The following PIP5K1A variants were observed in gnomAD, a reference collection of about 807,000 sequenced individuals.
PIP5K1A encodes the protein phosphatidylinositol 4-phosphate 5-kinase type-1 alpha.
In PIP5K1A, 46 loss-of-function variants were observed where a neutral mutation model predicts 72.9. That is an observed-to-expected ratio of 0.63 (90% confidence interval 0.50 to 0.81). The LOEUF is 0.81. Among genes scored for constraint, PIP5K1A ranks in the 30% least tolerant of loss-of-function variants. The pLI is 0.00. For synonymous variants in PIP5K1A, 228 were observed against 255.1 expected, an observed-to-expected ratio of 0.89 and a Z score of 1.01; for missense variants, 458 against 706.1, an observed-to-expected ratio of 0.65 and a Z score of 3.98.
Position 151,242,185 on chromosome 1 carries a change from A to G in PIP5K1A, c.1426A>G (p.Ser476Gly), listed in dbSNP as rs1212235500. 3 of 1,614,054 alleles carry G rather than the reference A, an allele frequency of 1.9e-6. No homozygotes were observed. Among genetic ancestry groups the G allele is most frequent in the Admixed American group, 1.7e-5 (1 of 60,012 alleles). ...GSSFSRRAGS[S>G]GNSCITYQPS... ...ATCTTTCTCTCGGCGAGCAGGCTCCAGTGGCAACTCCTGCATTACTTACCA... is the reference window on the plus strand; with the variant it reads ...ATCTTTCTCTCGGCGAGCAGGCTCCGGTGGCAACTCCTGCATTACTTACCA... Residue 476 changes from serine to glycine, a missense_variant, in exon 13 of 16, where the codon AGT (serine) becomes GGT (glycine). By Grantham distance (56) the Ser-to-Gly change is moderately conservative. Around this residue, in one of 3 missense-constraint regions of PIP5K1A, gnomAD observed 157 missense variants for 175.5 expected, o/e 0.89. Coordinates refer to ENST00000368888, the MANE Select transcript of PIP5K1A (RefSeq NM_001135638.2).
intron 1 of PIP5K1A, among the ~76,000 whole-genome samples, chr1:151,216,807 A>G (rs888612241): frequency 6.6e-6 from 1 of 151,992 alleles, no homozygotes; most frequent in African/African-American, 2.4e-5. Flanking sequence ...CTTAGGAAGT[A>G]CATGTTGTTA....
intron 14 of PIP5K1A, among the ~76,000 whole-genome samples, chr1:151,245,570 CTG>C (rs1358879922): frequency 3.9e-5 from 6 of 152,170 alleles, no homozygotes; most frequent in Non-Finnish European, 7.4e-5. Context: ...GGGTCTCCCT[CTG>C]TCACCCAGGC....
chr1:151,236,989 A>G (rs1690985491), intron 9 of PIP5K1A, among the ~76,000 whole-genome samples: 1 of 151,856 alleles, frequency 6.6e-6, no homozygotes, highest in African/African-American at 2.4e-5. Context: ...CACCACACCC[A>G]GCTAATTTTT....
At chr1:151,197,297 T>C (rs1289495572), upstream of PIP5K1A, among the ~76,000 whole-genome samples, 1 of 151,880 alleles carries the variant, frequency 6.6e-6, no homozygotes, top group Non-Finnish European at 1.5e-5. Flanking sequence ...TTGTTTTGTT[T>C]TGAGACAGTT....
rs1409759806 is a variant in PIP5K1A, at chr1:151,198,988, G to T, written c.-9G>T. 2 of 1,613,342 alleles carry T rather than the reference G, an allele frequency of 1.2e-6. No homozygotes were observed. Among genetic ancestry groups the T allele is most frequent in the Non-Finnish European group, 1.7e-6 (2 of 1,179,404 alleles). ...GAGCCAGGCCGCTGAGGGGGAGGGG[G>T]CTGCTAAGATGGCGTCGGCCTCCTC... On this transcript the variant is annotated 5_prime_UTR_variant, in exon 1 of 16. Transcript: ENST00000368888.
chr1:151,219,505 G>T (rs2102328824), intron 1 of PIP5K1A, among the ~76,000 whole-genome samples: 1 of 151,268 alleles, frequency 6.6e-6, no homozygotes, highest in African/African-American at 2.4e-5. Context: ...TGACCAACAT[G>T]GTGAAACCCC....
intron 1 of PIP5K1A, among the ~76,000 whole-genome samples, chr1:151,217,936 G>A (rs1455815456): frequency 2.0e-5 from 3 of 152,026 alleles, no homozygotes; most frequent in Non-Finnish European, 4.4e-5. Context: ...ATGCCACCAT[G>A]TCCGGCTAAT....
intron 1 of PIP5K1A, chr1:151,213,603 A>G (rs1687164348): frequency 6.6e-6 from 1 of 152,182 alleles, no homozygotes; most frequent in Non-Finnish European, 1.5e-5. Context: ...GAAAGAGGGT[A>G]TGAGAACGTA....
chr1:151,204,242 T>C (rs901435511), intron 1 of PIP5K1A, among the ~76,000 whole-genome samples: 4 of 152,166 alleles, frequency 2.6e-5, no homozygotes, highest in African/African-American at 9.7e-5. Context: ...AATGGCGCGA[T>C]CTCGGCTCAC....
chr1:151,234,349 C>T lies in PIP5K1A; in HGVS notation c.792C>T (p.Thr264=), dbSNP rs1424957443. 10 of 1,613,998 alleles carry T rather than the reference C, an allele frequency of 6.2e-6. No individual in the cohort carries two copies. The highest frequency in any genetic ancestry group is 8.5e-6 in the Non-Finnish European group (10 of 1,179,990). ...TCAAATATGACCTCAAAGGCTCAAC[C>T]TACAAACGGCGGGCTTCCCAGAAAG... is the stretch of plus-strand genomic sequence containing the variant. ...MHIKYDLKGS[T]YKRRASQKER... The change falls in exon 8 of 16, where the codon ACC becomes ACT. Residue 264 remains threonine (T), a synonymous_variant. Transcript: ENST00000368888.
At chr1:151,220,006 A>G (rs1436963426) in intron 1 of PIP5K1A, among the ~76,000 whole-genome samples, 1 of 150,758 alleles carries the variant, frequency 6.6e-6, no homozygotes, top group East Asian at 2.0e-4. Flanking sequence ...CTCTGTTTCT[A>G]TTTATTTATT....
chr1:151,218,984 A>G (rs587679585), intron 1 of PIP5K1A, among the ~76,000 whole-genome samples: 1 of 152,244 alleles, frequency 6.6e-6, no homozygotes, highest in East Asian at 1.9e-4. Context: ...TGTTCTTATA[A>G]TAAAAGGGAT....
At chr1:151,204,173 GAT>G (rs928559769) in intron 1 of PIP5K1A, among the ~76,000 whole-genome samples, 1 of 151,404 alleles carries the variant, frequency 6.6e-6, no homozygotes, top group Admixed American at 6.6e-5. Flanking sequence ...GATTATTGTT[GAT>G]ATATATATAT....
At chr1:151,229,656 C>T (rs587647069) in intron 4 of PIP5K1A, among the ~76,000 whole-genome samples, 36 of 151,062 alleles carry the variant, frequency 2.4e-4, no homozygotes, top group East Asian at 1.6e-3. Flanking sequence ...CCACAGCACC[C>T]GGCCATTTAG....
rs587681285 is a variant in PIP5K1A, at chr1:151,213,016, G to A, written c.86-11229G>A. Among the ~76,000 whole-genome samples the A allele has an allele frequency of 7.2e-3, 1,088 of 150,814 alleles. 14 individuals are homozygous for A. The highest frequency in any genetic ancestry group is 0.025 in the African/African-American group (1,017 of 41,002). On this transcript the variant is annotated intron_variant, in intron 1 of 15. Coordinates refer to ENST00000368888, the MANE Select transcript of PIP5K1A (RefSeq NM_001135638.2). Reference sequence around the variant, plus strand: ...TGCCATTCTCCTGCCTCAGCCTCTGGAGTAGCTGGAACTACAGGCGCCCGC... The same window carrying A: ...TGCCATTCTCCTGCCTCAGCCTCTGAAGTAGCTGGAACTACAGGCGCCCGC...
chr1:151,216,778 G>T (rs587611713), intron 1 of PIP5K1A, among the ~76,000 whole-genome samples: 1 of 151,742 alleles, frequency 6.6e-6, no homozygotes. Context: ...TACGTAACTT[G>T]TTGAATTCTC....
intron 14 of PIP5K1A, among the ~76,000 whole-genome samples, chr1:151,242,769 C>T (rs1277521280): frequency 1.3e-5 from 2 of 151,950 alleles, no homozygotes; most frequent in Non-Finnish European, 2.9e-5. Context: ...CATGAGGTGG[C>T]ATTTAAGCTG....
chr1:151,224,181 A>G, intron 1 of PIP5K1A, 64 bp from the exon 2 acceptor site: 2 of 1,401,588 alleles, frequency 1.4e-6, no homozygotes, highest in Admixed American at 3.4e-5. Flanking sequence ...TGATGGTTTC[A>G]GTATGCTTGA....
At chr1:151,197,686 C>T (rs1390147082), upstream of PIP5K1A, among the ~76,000 whole-genome samples, 3 of 152,176 alleles carry the variant, frequency 2.0e-5, no homozygotes, top group African/African-American at 7.2e-5. Flanking sequence ...TTATTCATTC[C>T]ACAGATAATT....
Sources: gnomAD v4.1 joint callset for allele counts (sites outside exome capture counted in the v4.1 genomes callset) on GRCh38, gnomAD v4.1.1 for gene constraint, gnomAD v4.1.1 regional missense constraint, MANE v1.5 for transcripts, NCBI Gene and HGNC (gene_info 2026-07-23, HGNC 2026-07-21) for gene names.